VCL: variants seen among roughly 807,000 people sequenced by gnomAD.
VCL encodes the protein vinculin, also known as epididymis luminal protein 114.
A neutral mutation model predicts 125.7 loss-of-function variants in VCL; 47 were observed. The observed-to-expected ratio is 0.37, with a 90% CI of 0.30 to 0.48. The LOEUF is 0.48. Ranked by LOEUF, VCL falls within the 20% of genes least tolerant of loss-of-function variation. VCL has a pLI of 0.99. For missense variants in VCL, 1,069 were observed against 1,455.5 expected (o/e 0.73, Z 4.32); for synonymous variants, 458 against 514.6 (o/e 0.89, Z 1.49).
At chr10:74,108,359 G>A (rs573796160) in intron 17 of VCL, among the ~76,000 whole-genome samples, 1 of 152,168 alleles carries the variant, frequency 6.6e-6, no homozygotes, top group Non-Finnish European at 1.5e-5. Flanking sequence ...CTGCTTTCTG[G>A]TAGAACCAGG....
intron 1 of VCL, among the ~76,000 whole-genome samples, chr10:74,037,654 T>C (rs867060022): frequency 3.3e-5 from 5 of 152,220 alleles, no homozygotes; most frequent in Admixed American, 6.5e-5. Flanking sequence ...CTGGCCTCCT[T>C]GTACTCGCAT....
chr10:74,089,222 T>C lies in VCL; in HGVS notation c.1049T>C (p.Met350Thr), dbSNP rs749442700. 6 of 1,614,142 alleles carry C rather than the reference T, an allele frequency of 3.7e-6. No homozygotes were observed. The South Asian group carries it at 6.6e-5, about 18-fold the overall frequency. The change falls in exon 9 of 22, where the codon ATG becomes ACG. Residue 350 changes from methionine to threonine, a missense_variant. By Grantham distance (81) the Met-to-Thr change is moderately conservative. This residue lies in a region of VCL where 760 missense variants were observed against 928.9 expected (regional missense o/e 0.82). Coordinates refer to ENST00000211998, the MANE Select transcript of VCL (RefSeq NM_014000.3). ...ARGQGSSPVAMQKAQQVSQGL... is the reference protein window; with the variant it reads ...ARGQGSSPVATQKAQQVSQGL... Reference sequence around the variant, plus strand: ...GGACAAGGATCCTCACCGGTGGCCATGCAGAAAGCTCAGCAGGTATCTCAG... The same window carrying C: ...GGACAAGGATCCTCACCGGTGGCCACGCAGAAAGCTCAGCAGGTATCTCAG...
At chr10:74,088,109 A>T (rs551584383) in intron 8 of VCL, among the ~76,000 whole-genome samples, 1 of 152,374 alleles carries the variant, frequency 6.6e-6, no homozygotes, top group African/African-American at 2.4e-5. Flanking sequence ...AGAAGTTCTG[A>T]TTAGGATAAT....
At chr10:74,018,201 T>TATATATATATATATATATATATATAA (rs1433937715) in intron 1 of VCL, among the ~76,000 whole-genome samples, 18 of 139,786 alleles carry the variant, frequency 1.3e-4, no homozygotes, top group Non-Finnish European at 2.2e-4. Flanking sequence ...TATATATATA[T>TATATATATATATATATATATATATAA]AAATACATAT....
chr10:74,076,757 C>T (rs1839592261), intron 6 of VCL: 1 of 152,638 alleles, frequency 6.6e-6, no homozygotes, highest in Non-Finnish European at 1.5e-5. Flanking sequence ...GCTGTCCAAA[C>T]TGAATTAGCT....
chr10:74,072,869 CTT>C lies in VCL; in HGVS notation c.622+19_622+20del. On this transcript the variant is annotated intron_variant, in intron 5 of 21. Coordinates refer to ENST00000211998, the MANE Select transcript of VCL (RefSeq NM_014000.3). ...TCATTTCAGGTACTTCCTGCCTGTA[CTT>C]TATTTTATAGGGGGGAAAAATGTTA... The C allele has an allele frequency of 6.2e-7, 1 of 1,613,516 alleles. No homozygotes were observed. The highest frequency in any genetic ancestry group is 8.5e-7 in the Non-Finnish European group (1 of 1,179,802).
chr10:74,085,495 A>G (rs190423471), intron 8 of VCL, among the ~76,000 whole-genome samples: 58 of 152,180 alleles, frequency 3.8e-4, no homozygotes, highest in Admixed American at 1.8e-3. Flanking sequence ...ATTCATAATT[A>G]TTTACCTTCC....
At chr10:74,035,858 AT>A (rs780259757) in intron 1 of VCL, among the ~76,000 whole-genome samples, 13 of 152,222 alleles carry the variant, frequency 8.5e-5, no homozygotes, top group Non-Finnish European at 1.5e-4. Context: ...ACATGTACAG[AT>A]TTTTTCCTTG....
chr10:74,092,972 T>G (rs1839911230), intron 10 of VCL, among the ~76,000 whole-genome samples: 2 of 152,164 alleles, frequency 1.3e-5, no homozygotes, highest in South Asian at 4.1e-4. Flanking sequence ...TGGCAAGGAC[T>G]GGGGATTATG....
intron 1 of VCL, among the ~76,000 whole-genome samples, chr10:74,016,455 A>C (rs983517563): frequency 2.0e-5 from 3 of 152,116 alleles, no homozygotes; most frequent in Non-Finnish European, 4.4e-5. Flanking sequence ...TACAAAAAGT[A>C]TAAAAATTAA....
chr10:74,024,215 G>A (rs1420058534), intron 1 of VCL, among the ~76,000 whole-genome samples: 1 of 152,136 alleles, frequency 6.6e-6, no homozygotes, highest in African/African-American at 2.4e-5. Flanking sequence ...GGGTCAGAAT[G>A]TTTATTATGG....
intron 2 of VCL, among the ~76,000 whole-genome samples, chr10:74,061,122 T>C (rs1396061206): frequency 6.6e-6 from 1 of 152,202 alleles, no homozygotes; most frequent in Non-Finnish European, 1.5e-5. Context: ...ATTCTTTAAA[T>C]ACTTTTTAAA....
At chr10:74,058,151 A>G (rs1233257780) in intron 2 of VCL, among the ~76,000 whole-genome samples, 3 of 152,168 alleles carry the variant, frequency 2.0e-5, no homozygotes, top group Non-Finnish European at 2.9e-5. Context: ...CTGCCACATA[A>G]TTATACTGGG....
intron 1 of VCL, among the ~76,000 whole-genome samples, chr10:74,007,303 T>A (rs1840337699): frequency 6.6e-6 from 1 of 152,142 alleles, no homozygotes; most frequent in Admixed American, 6.6e-5. Context: ...AAGAGCCTTC[T>A]GACAACTTCC....
At chr10:74,064,890 A>G (rs1243756345) in intron 2 of VCL, among the ~76,000 whole-genome samples, 1 of 152,202 alleles carries the variant, frequency 6.6e-6, no homozygotes, top group East Asian at 1.9e-4. Flanking sequence ...AACTCATTTG[A>G]ATGATAAATC....
Position 74,117,155 on chromosome 10 carries a change from A to T in VCL, c.3259-868A>T, listed in dbSNP as rs144917165. Among the ~76,000 whole-genome samples, 594 of 152,292 alleles carry T rather than the reference A, an allele frequency of 3.9e-3. 4 individuals are homozygous for T. The highest frequency in any genetic ancestry group is 0.013 in the African/African-American group (535 of 41,550). ...GTTTGTTCATTTGGTTGTTTTTAAA[A>T]TTCATTAATTAAATATTTATGAAAT... On this transcript the variant is annotated intron_variant, in intron 21 of 21. Coordinates refer to ENST00000211998, the MANE Select transcript of VCL (RefSeq NM_014000.3).
intron 1 of VCL, among the ~76,000 whole-genome samples, chr10:74,019,046 G>A (rs1418857865): frequency 6.6e-6 from 1 of 151,962 alleles, no homozygotes; most frequent in Non-Finnish European, 1.5e-5. Context: ...TCCCTTGATG[G>A]TTGTAGATAA....
At chr10:74,022,440 G>A (rs559519405) in intron 1 of VCL, among the ~76,000 whole-genome samples, 41 of 151,904 alleles carry the variant, frequency 2.7e-4, no homozygotes, top group African/African-American at 5.8e-4. Flanking sequence ...CAGCTACTCC[G>A]GAGGCTAAGG....
rs369282572 is a variant in VCL at position 74,020,058 on chromosome 10, C to T, written c.168+21683C>T. On this transcript the variant is annotated intron_variant, in intron 1 of 21. Transcript: ENST00000211998. ...AACCTGGGCAACAAGAGTGAAACTC[C>T]GTCTCAAAAAAAAAAAAAGAAAAAA... Among the ~76,000 whole-genome samples the T allele has an allele frequency of 2.0e-3, 294 of 149,416 alleles. 3 individuals carry two copies. Among genetic ancestry groups the T allele is most frequent in the African/African-American group, 7.0e-3 (286 of 40,622 alleles).
Sources: gnomAD v4.1 joint callset for allele counts (sites outside exome capture counted in the v4.1 genomes callset) on GRCh38, gnomAD v4.1.1 for gene constraint, gnomAD v4.1.1 regional missense constraint, MANE v1.5 for transcripts, NCBI Gene and HGNC (gene_info 2026-07-23, HGNC 2026-07-21) for gene names.